CCDC141: variants seen among roughly 807,000 people sequenced by gnomAD.
The protein encoded by CCDC141 is coiled-coil domain containing 141, also known as coiled-coil domain-containing protein 141.
A neutral mutation model predicts 181.0 loss-of-function variants in CCDC141; 168 were observed. The observed-to-expected ratio is 0.93, with a 90% CI of 0.82 to 1.05. The LOEUF is 1.05. CCDC141 is among the 50% of genes least tolerant of loss of function. CCDC141 has a pLI of 0.00. For synonymous variants in CCDC141, 666 were observed against 642.3 expected, an observed-to-expected ratio of 1.04 and a Z score of -0.56; for missense variants, 1,902 against 1,788.5, an observed-to-expected ratio of 1.06 and a Z score of -1.14.
rs141668405 is a variant in CCDC141, at chr2:178,968,047, T to C, written c.527-6564A>G. 7.5e-3 allele frequency among the ~76,000 whole-genome samples: 1,147 copies of C among 152,304 alleles called. 11 individuals are homozygous for C. Among genetic ancestry groups the C allele is most frequent in the Admixed American group, 0.012 (187 of 15,302 alleles). ...AGCAAGAAGAGCTAACTATCCTAAA[T>C]ATACATGCACCCAATACAGGAGCAC... On this transcript the variant is annotated intron_variant, in intron 4 of 23. Coordinates refer to ENST00000443758, the MANE Select transcript of CCDC141 (RefSeq NM_173648.4).
chr2:178,900,876 T>C (rs554539102), intron 8 of CCDC141, among the ~76,000 whole-genome samples: 1 of 152,252 alleles, frequency 6.6e-6, no homozygotes, highest in African/African-American at 2.4e-5. Context: ...TTTCAGACAC[T>C]GAACAATTAG....
chr2:178,984,921 A>C (rs1267509585), intron 2 of CCDC141, among the ~76,000 whole-genome samples: 1 of 150,650 alleles, frequency 6.6e-6, no homozygotes, highest in African/African-American at 2.4e-5. Flanking sequence ...ACAGAAAGTC[A>C]ACAAGGATAC....
At chr2:178,990,871 CTAGA>C (rs1692021252) in intron 2 of CCDC141, among the ~76,000 whole-genome samples, 1 of 151,914 alleles carries the variant, frequency 6.6e-6, no homozygotes. Context: ...GGTTTTGGAT[CTAGA>C]TAGAGGTGAT....
In CCDC141 at chr2:178,857,818, G is replaced by A. The variant is rs182247909; in HGVS notation, c.2725-1421C>T. Among the ~76,000 whole-genome samples the A allele has an allele frequency of 1.1e-3, 166 of 152,208 alleles. 1 individual carries two copies. Among genetic ancestry groups the A allele is most frequent in the African/African-American group, 3.8e-3 (159 of 41,556 alleles). On this transcript the variant is annotated intron_variant, in intron 17 of 23. Coordinates refer to ENST00000443758, the MANE Select transcript of CCDC141 (RefSeq NM_173648.4). ...GATAGCAAACAAATTATTTGGGAGG[G>A]AATAAAGACTGTGCATGTGCTAGAT... is the stretch of plus-strand genomic sequence containing the variant.
chr2:178,995,334 G>A (rs547662509), intron 2 of CCDC141, among the ~76,000 whole-genome samples: 17 of 152,222 alleles, frequency 1.1e-4, no homozygotes, highest in African/African-American at 4.1e-4. Context: ...CTTGTTGTAG[G>A]GAAACTCCAA....
chr2:179,049,744 G>A lies in CCDC141; in HGVS notation c.102+96C>T, dbSNP rs1226814663. On this transcript the variant is annotated intron_variant, in intron 1 of 23. Coordinates refer to ENST00000443758, the MANE Select transcript of CCDC141 (RefSeq NM_173648.4). Reference sequence around the variant, plus strand: ...GTGCTTGCTGCGTTGTCTTCTCTATGCTGTGTCCTGCCGATTGCATGGAAT... The same window carrying A: ...GTGCTTGCTGCGTTGTCTTCTCTATACTGTGTCCTGCCGATTGCATGGAAT... The A allele has an allele frequency of 3.7e-6, 5 of 1,347,864 alleles. No homozygotes were observed. The Admixed American group carries it at 6.1e-5, about 16-fold the overall frequency. The allele number at this position is 1,347,864 out of a possible 1,614,324, so 83.5% of individuals were successfully genotyped here. A position where few individuals can be genotyped will look rare whatever the true frequency, so the allele number is the denominator to read the frequency against.
chr2:179,041,977 C>T (rs931001857), intron 2 of CCDC141, among the ~76,000 whole-genome samples: 8 of 152,166 alleles, frequency 5.3e-5, no homozygotes, highest in African/African-American at 1.9e-4. Flanking sequence ...GAGACTTTAA[C>T]ACCACACCGA....
At chr2:178,823,145 C>T in the CCDC141 span, among the ~76,000 whole-genome samples, 61,746 of 151,350 alleles carry the variant, frequency 0.41, 13,247 homozygotes, top group Non-Finnish European at 0.47. Flanking sequence ...AATTGGTGTA[C>T]GTTAATGGTG....
intron 2 of CCDC141, 92 bp from the exon 3 acceptor site, chr2:178,978,767 A>G (rs1482478969): frequency 2.0e-5 from 20 of 987,912 alleles, no homozygotes; most frequent in Non-Finnish European, 2.8e-5. Context: ...TAGAAATTGC[A>G]TGTGGTCTAG....
intron 2 of CCDC141, among the ~76,000 whole-genome samples, chr2:179,014,781 G>T (rs1039473613): frequency 2.0e-5 from 3 of 151,850 alleles, no homozygotes; most frequent in African/African-American, 4.8e-5. Flanking sequence ...GTAGATGTTG[G>T]CATGGATGCG....
chr2:178,937,406 T>C (rs1467724695), intron 6 of CCDC141, among the ~76,000 whole-genome samples: 1 of 152,222 alleles, frequency 6.6e-6, no homozygotes, highest in African/African-American at 2.4e-5. Flanking sequence ...TTGATTTGCA[T>C]ATGTTGAACC....
At chr2:178,988,747 C>A (rs546277534) in intron 2 of CCDC141, among the ~76,000 whole-genome samples, 65 of 152,212 alleles carry the variant, frequency 4.3e-4, no homozygotes, top group African/African-American at 1.5e-3. Context: ...CACTTCTAAA[C>A]TTCAAAACTT....
At chr2:178,923,518 C>T (rs952007026) in intron 6 of CCDC141, among the ~76,000 whole-genome samples, 1 of 152,180 alleles carries the variant, frequency 6.6e-6, no homozygotes, top group African/African-American at 2.4e-5. Context: ...GAGAAAATCT[C>T]GTTCTGTTTT....
intron 20 of CCDC141, among the ~76,000 whole-genome samples, chr2:178,853,035 T>G (rs1442970356): frequency 6.6e-6 from 1 of 151,846 alleles, no homozygotes; most frequent in Non-Finnish European, 1.5e-5. Flanking sequence ...GACTTCAGTC[T>G]TAGCTTTATG....
chr2:178,834,275 G>A lies in CCDC141; in HGVS notation c.4491C>T (p.His1497=), dbSNP rs1182982754. The change falls in exon 24 of 24, where the codon CAC becomes CAT. Residue 1497 remains histidine (H), a synonymous_variant. Transcript: ENST00000443758. ...TTGGCAGCCTGCAGTTACCTGTCAC[G>A]TGGAGGATGACATTGGAAGAGAGAG... ...SGALSSNVIL[H]VTGNCRLPIT... 9.8e-6 allele frequency: 15 copies of A among 1,536,012 alleles called. No homozygotes were observed. Among genetic ancestry groups the A allele is most frequent in the South Asian group, 4.8e-5 (4 of 84,050 alleles).
At chr2:178,974,084 T>A (rs950196635) in intron 4 of CCDC141, among the ~76,000 whole-genome samples, 1 of 152,082 alleles carries the variant, frequency 6.6e-6, no homozygotes, top group Non-Finnish European at 1.5e-5. Context: ...TAATCTTACA[T>A]AGGAAAGATT....
rs746150893 is a variant in CCDC141 at position 178,837,161 on chromosome 2, T to C, written c.4058A>G (p.Asn1353Ser). ...CCTATCTTGGGTTTTAGTGAAGTTA[T>C]TATCAGCATGCATTTTCTCCCGTGT... ...LETREKMHAD[N>S]NFTKTQDRLH... Residue 1353 changes from asparagine to serine, a missense_variant, in exon 23 of 24, where the codon AAT becomes AGT. By Grantham distance (46) the Asn-to-Ser change is conservative. Transcript: ENST00000443758. 1.2e-6 allele frequency: 2 copies of C among 1,613,992 alleles called. No individual in the cohort carries two copies. The highest frequency in any genetic ancestry group is 2.2e-5 in the East Asian group (1 of 44,816).
rs541868487 is a variant in CCDC141, at chr2:178,915,099, G to A, written c.1092+3614C>T. ...GAGGTGAGAGGATTACCTGAGCCCC[G>A]GAGGTCAGGGCTACAGTGAGCTGTG... On this transcript the variant is annotated intron_variant, in intron 7 of 23. Transcript: ENST00000443758. Among the ~76,000 whole-genome samples, 14 of 152,136 alleles carry A rather than the reference G, an allele frequency of 9.2e-5. No homozygotes were observed. The South Asian group carries it at 2.1e-3, about 23-fold the overall frequency.
intron 22 of CCDC141, among the ~76,000 whole-genome samples, chr2:178,839,905 T>C (rs1022998928): frequency 6.6e-6 from 1 of 152,214 alleles, no homozygotes; most frequent in Non-Finnish European, 1.5e-5. Flanking sequence ...TTATGGGGAC[T>C]TTGATTAACC....
Sources: allele counts gnomAD v4.1 joint callset (sites outside exome capture counted in the v4.1 genomes callset), GRCh38; gene constraint gnomAD v4.1.1; transcripts MANE v1.5; gene names NCBI Gene and HGNC (gene_info 2026-07-23, HGNC 2026-07-21).